Variants in ADGRD1 observed in about 807,000 individuals in gnomAD.
ADGRD1 encodes G-protein coupled receptor 133.
Under a neutral mutation model 113.4 loss-of-function variants are expected in ADGRD1, and 77 were observed. That is an observed-to-expected ratio of 0.68 (90% CI 0.57 to 0.82). The LOEUF (loss-of-function observed/expected upper bound fraction) is 0.82. ADGRD1 is among the 40% of genes least tolerant of loss of function. The probability of loss-of-function intolerance (pLI) is 0.00; values close to 1 mark genes in which losing one functional copy is unlikely to be tolerated. For missense variants in ADGRD1, 1,036 were observed against 1,139.1 expected, an observed-to-expected ratio of 0.91 and a Z score of 1.30; for synonymous variants, 474 against 475.0, an observed-to-expected ratio of 1.00 and a Z score of 0.03.
intron 8 of ADGRD1, among the ~76,000 whole-genome samples, chr12:130,995,846 G>A (rs956122317): frequency 6.6e-6 from 1 of 152,102 alleles, no homozygotes; most frequent in Admixed American, 6.5e-5. Context: ...ATAGTGGAGG[G>A]AAGGTCAGCA....
At chr12:131,049,841 T>C (rs912100084) in intron 13 of ADGRD1, among the ~76,000 whole-genome samples, 3 of 151,908 alleles carry the variant, frequency 2.0e-5, no homozygotes, top group African/African-American at 7.3e-5. Context: ...GTGAGTGGGG[T>C]CCGTGGGGGA....
chr12:131,025,399 C>A (rs139740855), intron 13 of ADGRD1, among the ~76,000 whole-genome samples: 1 of 152,194 alleles, frequency 6.6e-6, no homozygotes, highest in African/African-American at 2.4e-5. Flanking sequence ...CACTCTGTCA[C>A]GGGCCGTGAG....
intron 20 of ADGRD1, among the ~76,000 whole-genome samples, chr12:131,122,641 G>A (rs1950626185): frequency 6.6e-6 from 1 of 152,240 alleles, no homozygotes; most frequent in Admixed American, 6.5e-5. Context: ...GTGACAGAGG[G>A]TGGGAAGGGT....
intron 20 of ADGRD1, among the ~76,000 whole-genome samples, chr12:131,130,302 G>C (rs996046716): frequency 1.3e-5 from 2 of 152,226 alleles, no homozygotes; most frequent in African/African-American, 4.8e-5. Context: ...ACTGTCAGCT[G>C]AGCTGGGCGT....
At chr12:131,130,768 A>ATCCCGTGCCGGGGGAGAGCGAG (rs1566138300) in intron 20 of ADGRD1, among the ~76,000 whole-genome samples, 3 of 150,614 alleles carry the variant, frequency 2.0e-5, no homozygotes, top group Non-Finnish European at 4.4e-5. Context: ...GGGAGAGCGA[A>ATCCCGTGCCGGGGGAGAGCGAG]GCTGGCCATC....
At chr12:131,115,027 C>T (rs1356767351) in intron 18 of ADGRD1, among the ~76,000 whole-genome samples, 2 of 152,162 alleles carry the variant, frequency 1.3e-5, no homozygotes, top group South Asian at 2.1e-4. Flanking sequence ...TAGTTCCAGG[C>T]CCCCCCTTTC....
At chr12:131,082,960 C>A (rs1886179832) in intron 14 of ADGRD1, among the ~76,000 whole-genome samples, 1 of 152,202 alleles carries the variant, frequency 6.6e-6, no homozygotes, top group Non-Finnish European at 1.5e-5. Context: ...CCGTCCCAAC[C>A]CCTCCCTCGC....
chr12:131,028,881 G>A (rs529007650), intron 13 of ADGRD1, among the ~76,000 whole-genome samples: 3 of 152,294 alleles, frequency 2.0e-5, no homozygotes, highest in Non-Finnish European at 2.9e-5. Flanking sequence ...AGGCGGCCTC[G>A]GCTATTTTTG....
chr12:131,036,395 C>A (rs1881389004), intron 13 of ADGRD1, among the ~76,000 whole-genome samples: 1 of 150,852 alleles, frequency 6.6e-6, no homozygotes, highest in African/African-American at 2.4e-5. Flanking sequence ...GGGTCTTACT[C>A]ACTGCACCAG....
intron 13 of ADGRD1, among the ~76,000 whole-genome samples, chr12:131,036,735 CATGGGGCCTCACTCACT>C (rs1360842755): frequency 0.04 from 4,828 of 121,148 alleles, 180 homozygotes; most frequent in Admixed American, 0.064. Context: ...TCACTCACTG[CATGGGGCCTCACTCACT>C]GCACCGGGCC....
chr12:131,124,330 T>A (rs537827909), intron 20 of ADGRD1, among the ~76,000 whole-genome samples: 2 of 152,304 alleles, frequency 1.3e-5, no homozygotes, highest in East Asian at 1.9e-4. Flanking sequence ...TATAACTGAA[T>A]AAGAAAATGC....
At chr12:130,996,342 A>G (rs1247600147) in intron 8 of ADGRD1, among the ~76,000 whole-genome samples, 1 of 132,600 alleles carries the variant, frequency 7.5e-6, no homozygotes, top group African/African-American at 2.8e-5. Flanking sequence ...CTCACTTCCC[A>G]GTAGGGGCGG....
intron 19 of ADGRD1, among the ~76,000 whole-genome samples, 161 bp downstream of exon 19, chr12:131,118,612 G>C (rs1226145470): frequency 6.6e-6 from 1 of 152,234 alleles, no homozygotes; most frequent in East Asian, 1.9e-4. Context: ...GGTCCAGGGA[G>C]AGGGAGAAAC....
chr12:131,105,909 C>T (rs1419061281), intron 17 of ADGRD1, 44 bp downstream of exon 17: 1 of 1,431,864 alleles, frequency 7.0e-7, no homozygotes, highest in African/African-American at 1.4e-5. Flanking sequence ...CCTTCCCTTG[C>T]CTCCTCGGAT....
At chr12:131,017,098 G>C (rs1426939747) in intron 13 of ADGRD1, among the ~76,000 whole-genome samples, 5 of 152,036 alleles carry the variant, frequency 3.3e-5, no homozygotes, top group African/African-American at 1.2e-4. Flanking sequence ...GAGGGCACGG[G>C]CAGAGAGGGG....
At chr12:131,122,615 C>G (rs12307578) in intron 20 of ADGRD1, among the ~76,000 whole-genome samples, 30,919 of 152,228 alleles carry the variant, frequency 0.2, 3,499 homozygotes, top group Non-Finnish European at 0.25. Flanking sequence ...TTGGGAGGGG[C>G]TTTAAAGGAC....
At chr12:131,004,093 C>T in intron 10 of ADGRD1, 93 bp from the exon 11 acceptor site, 1 of 738,430 alleles carries the variant, frequency 1.4e-6, no homozygotes, top group Non-Finnish European at 2.4e-6. Context: ...CTTGTCCTGT[C>T]AAAAAAGAAA....
At chr12:131,107,573 A>G (rs1212345337) in intron 17 of ADGRD1, among the ~76,000 whole-genome samples, 1 of 152,146 alleles carries the variant, frequency 6.6e-6, no homozygotes, top group Non-Finnish European at 1.5e-5. Flanking sequence ...GAAGGGCTCC[A>G]GTTGGTCCTG....
At chr12:131,103,870 C>T (rs1163237669) in intron 15 of ADGRD1, among the ~76,000 whole-genome samples, 3 of 152,174 alleles carry the variant, frequency 2.0e-5, no homozygotes, top group East Asian at 1.9e-4. Flanking sequence ...CAGGAGGAAG[C>T]ACGTGGCGCC....
Sources: allele counts gnomAD v4.1 joint callset (sites outside exome capture counted in the v4.1 genomes callset), GRCh38; gene constraint gnomAD v4.1.1; transcripts MANE v1.5; gene names NCBI Gene and HGNC (gene_info 2026-07-23, HGNC 2026-07-21).